The following MSI2 variants were observed in gnomAD, a reference collection of about 807,000 sequenced individuals.
MSI2 encodes the protein RNA-binding protein Musashi homolog 2.
MSI2 carries 17 observed loss-of-function variants against 45.6 expected under a neutral mutation model. The ratio of observed to expected loss-of-function variants is 0.37; its 90% CI spans 0.26 to 0.56. MSI2 has a LOEUF of 0.56. Ranked by LOEUF, MSI2 falls within the 20% of genes least tolerant of loss-of-function variation. The pLI, the probability that MSI2 is intolerant of heterozygous loss-of-function variation, is 0.77. For missense variants in MSI2, 293 were observed against 444.2 expected, an observed-to-expected ratio of 0.66 and a Z score of 3.06; for synonymous variants, 156 against 158.2, an observed-to-expected ratio of 0.99 and a Z score of 0.11.
At chr17:57,402,165 T>A (rs1271992757) in intron 6 of MSI2, among the ~76,000 whole-genome samples, 1 of 152,142 alleles carries the variant, frequency 6.6e-6, no homozygotes, top group Non-Finnish European at 1.5e-5. Context: ...ATTCGGCCTC[T>A]TTCTAGTGGG....
the MSI2 span, among the ~76,000 whole-genome samples, chr17:57,693,326 G>A: frequency 6.6e-6 from 1 of 152,104 alleles, no homozygotes; most frequent in East Asian, 1.9e-4. Context: ...GGGATTGCAA[G>A]TGTGTGCACC....
intron 5 of MSI2, among the ~76,000 whole-genome samples, chr17:57,272,416 T>C (rs753690531): frequency 2.6e-5 from 4 of 152,128 alleles, no homozygotes; most frequent in Admixed American, 2.0e-4. Context: ...GAAAAGTCAA[T>C]ATTCTCATTT....
At chr17:57,542,945 T>G (rs1394519380) in intron 7 of MSI2, among the ~76,000 whole-genome samples, 1 of 152,248 alleles carries the variant, frequency 6.6e-6, no homozygotes, top group Admixed American at 6.5e-5. Context: ...GCTTGATTAT[T>G]TGATTTGTAT....
intron 6 of MSI2, among the ~76,000 whole-genome samples, chr17:57,416,668 GT>G (rs2084300420): frequency 6.6e-6 from 1 of 152,130 alleles, no homozygotes; most frequent in Non-Finnish European, 1.5e-5. Context: ...GCTTATGCTG[GT>G]TTCTCTTAGA....
chr17:57,257,134 AC>A lies in MSI2; in HGVS notation c.101del (p.Pro34GlnfsTer20). 1 of 564,736 alleles carries A rather than the reference AC, an allele frequency of 1.8e-6. No individual in the cohort carries two copies. The highest frequency in any genetic ancestry group is 3.2e-6 in the Non-Finnish European group (1 of 313,638). The allele number at this position is 564,736 out of a possible 1,614,324, so 35.0% of individuals were successfully genotyped here. A position where few individuals can be genotyped will look rare whatever the true frequency, so the allele number is the denominator to read the frequency against. On this transcript the variant is annotated frameshift_variant, in exon 2 of 14. Transcript: ENST00000284073. LOFTEE classifies it high-confidence loss of function. ...FIGGLSWQTS[P>X]DSLRDYFSKF... is the part of the protein sequence containing the mutation. ...TCGGTGGACTGAGCTGGCAGACCTC[AC>A]CAGGTAAGGGAGGGAGGGGGGGACG... is the stretch of plus-strand genomic sequence containing the variant.
At position 57,257,617 on chromosome 17, in the gene MSI2, T is replaced by C. The variant is rs1010939595; in HGVS notation, c.185+70T>C. The C allele has an allele frequency of 8.5e-6, 10 of 1,171,212 alleles. No homozygotes were observed. In the African/African-American group the frequency reaches 1.2e-4, roughly 14 times the overall value. The allele number at this position is 1,171,212 out of a possible 1,614,324, so 72.6% of individuals were successfully genotyped here. ...TTTAAGTTTTATTTTTGGAGGTGTCTTCGGAAGTAGCTAAGCGGATTAGAA... is the reference window on the plus strand; with the variant it reads ...TTTAAGTTTTATTTTTGGAGGTGTCCTCGGAAGTAGCTAAGCGGATTAGAA... On this transcript the variant is annotated intron_variant, in intron 3 of 13. Coordinates refer to ENST00000284073, the MANE Select transcript of MSI2 (RefSeq NM_138962.4).
intron 7 of MSI2, among the ~76,000 whole-genome samples, chr17:57,579,591 A>G (rs1200937312): frequency 6.6e-6 from 1 of 152,192 alleles, no homozygotes; most frequent in Non-Finnish European, 1.5e-5. Flanking sequence ...CCATTTGGTC[A>G]ATGGGAAGAT....
At chr17:57,384,262 T>C (rs187231917) in intron 5 of MSI2, among the ~76,000 whole-genome samples, 1 of 152,292 alleles carries the variant, frequency 6.6e-6, no homozygotes, top group African/African-American at 2.4e-5. Flanking sequence ...GGACCTCAGC[T>C]GGGAAGACTT....
At chr17:57,401,668 C>T (rs570733086) in intron 6 of MSI2, among the ~76,000 whole-genome samples, 197 bp downstream of exon 6, 2 of 152,324 alleles carry the variant, frequency 1.3e-5, no homozygotes, top group African/African-American at 2.4e-5. Flanking sequence ...TGATGTCCCA[C>T]GTGCTGGCAG....
chr17:57,479,490 C>T (rs2085607204), intron 6 of MSI2, among the ~76,000 whole-genome samples: 2 of 152,058 alleles, frequency 1.3e-5, no homozygotes, highest in African/African-American at 4.8e-5. Flanking sequence ...GGTAAAACAT[C>T]CCAGATACTC....
intron 6 of MSI2, among the ~76,000 whole-genome samples, chr17:57,406,390 G>A (rs984937890): frequency 5.3e-5 from 8 of 152,106 alleles, no homozygotes; most frequent in Admixed American, 2.0e-4. Context: ...TTCAAGTACC[G>A]GTTTCTTAAA....
chr17:57,372,972 G>A (rs531582486), intron 5 of MSI2, among the ~76,000 whole-genome samples: 1 of 152,244 alleles, frequency 6.6e-6, no homozygotes, highest in South Asian at 2.1e-4. Flanking sequence ...AATATGGCTG[G>A]GCACAGGGGC....
In MSI2 at chr17:57,372,344, G is replaced by C. The variant is rs75709621; in HGVS notation, c.313-29035G>C. On this transcript the variant is annotated intron_variant, in intron 5 of 13. Transcript: ENST00000284073. ...ATGGAAATAGTTTTCCTCTGAATCA[G>C]AACTTTCAGTGTAACTGTTCCAAGA... Among the ~76,000 whole-genome samples the C allele has an allele frequency of 4.6e-3, 694 of 152,292 alleles. 2 individuals are homozygous for C. The highest frequency in any genetic ancestry group is 0.01 in the Middle Eastern group (3 of 294).
intron 5 of MSI2, among the ~76,000 whole-genome samples, chr17:57,275,189 G>A (rs373918461): frequency 6.6e-6 from 1 of 152,164 alleles, no homozygotes; most frequent in Non-Finnish European, 1.5e-5. Context: ...TTTCACAAAA[G>A]CCACATTTTC....
chr17:57,672,793 GA>G (rs34272994), intron 11 of MSI2, among the ~76,000 whole-genome samples: 23,647 of 152,100 alleles, frequency 0.16, 2,228 homozygotes, highest in Admixed American at 0.27. Flanking sequence ...GAGCTCAGAA[GA>G]AAAAAAGTGT....
At chr17:57,389,272 C>T (rs1227726549) in intron 5 of MSI2, among the ~76,000 whole-genome samples, 2 of 152,122 alleles carry the variant, frequency 1.3e-5, no homozygotes, top group African/African-American at 2.4e-5. Flanking sequence ...CCACTGCGCC[C>T]GAGCCCCCTG....
At chr17:57,593,528 T>C (rs1905026437) in intron 7 of MSI2, among the ~76,000 whole-genome samples, 1 of 152,188 alleles carries the variant, frequency 6.6e-6, no homozygotes, top group East Asian at 1.9e-4. Flanking sequence ...ATATCCCCTG[T>C]TTGTCTTTTA....
intron 11 of MSI2, among the ~76,000 whole-genome samples, chr17:57,654,484 T>C (rs1911439047): frequency 6.6e-6 from 1 of 152,254 alleles, no homozygotes; most frequent in Non-Finnish European, 1.5e-5. Context: ...TATTTACCTG[T>C]GGGTGGCCTC....
chr17:57,512,396 A>T (rs2086374645), intron 6 of MSI2, among the ~76,000 whole-genome samples: 1 of 152,196 alleles, frequency 6.6e-6, no homozygotes, highest in African/African-American at 2.4e-5. Flanking sequence ...TTAGGGCATT[A>T]AGTGGGCTTA....
Sources: gnomAD v4.1 joint callset for allele counts (sites outside exome capture counted in the v4.1 genomes callset) on GRCh38, gnomAD v4.1.1 for gene constraint, MANE v1.5 for transcripts, NCBI Gene and HGNC (gene_info 2026-07-23, HGNC 2026-07-21) for gene names.